Variants in TJP2 observed in about 807,000 individuals in gnomAD.
TJP2 encodes the protein Friedreich ataxia region gene X104 (tight junction protein ZO-2).
A neutral mutation model predicts 133.1 loss-of-function variants in TJP2; 91 were observed. The observed-to-expected ratio is 0.68, with a 90% CI of 0.58 to 0.81. The LOEUF (loss-of-function observed/expected upper bound fraction) is 0.81. Ranked by LOEUF, TJP2 falls within the 40% of genes least tolerant of loss-of-function variation. The pLI is 0.00. For missense variants in TJP2, 1,541 were observed against 1,565.6 expected (o/e 0.98, Z 0.26); for synonymous variants, 592 against 583.4 (o/e 1.01, Z -0.21).
intron 17 of TJP2, among the ~76,000 whole-genome samples, chr9:69,241,458 G>A (rs746827944): frequency 1.3e-5 from 2 of 152,180 alleles, no homozygotes; most frequent in Non-Finnish European, 2.9e-5. Context: ...AGAGGAAGGG[G>A]TGAATGATTG....
Position 69,234,527 on chromosome 9 carries a change from T to A in TJP2, c.1760T>A (p.Leu587Ter). ...CCTAAAGGTGAAATGGTGACCATTTTAGCTCAGAGCCGAGCCGATGGTGAG... is the reference window on the plus strand; with the variant it reads ...CCTAAAGGTGAAATGGTGACCATTTAAGCTCAGAGCCGAGCCGATGGTGAG... ...EIPKGEMVTI[L>*]AQSRADVYRD... The change falls in exon 12 of 23, where the codon TTA becomes TAA. Residue 587 changes from leucine to a stop codon, truncating the protein, a stop_gained. Coordinates refer to ENST00000377245, the MANE Select transcript of TJP2 (RefSeq NM_004817.4). LOFTEE classifies it high-confidence loss of function. 1 of 1,594,522 alleles carries A rather than the reference T, an allele frequency of 6.3e-7. No homozygotes were observed. The highest frequency in any genetic ancestry group is 8.5e-7 in the Non-Finnish European group (1 of 1,174,270).
intron 12 of TJP2, 42 bp from the exon 13 acceptor site, chr9:69,235,986 T>C (rs1588130702): frequency 1.3e-6 from 2 of 1,578,966 alleles, no homozygotes; most frequent in African/African-American, 1.3e-5. Context: ...TACTGTAACT[T>C]GTACTAAGCT....
intron 20 of TJP2, 78 bp from the exon 21 acceptor site, chr9:69,250,957 G>A (rs749222819): frequency 2.8e-5 from 38 of 1,345,484 alleles, no homozygotes; most frequent in Admixed American, 6.7e-5. Flanking sequence ...TCAGGAAATG[G>A]AGTGTATTAA....
At chr9:69,243,597 A>G (rs1830715497) in intron 17 of TJP2, among the ~76,000 whole-genome samples, 1 of 152,222 alleles carries the variant, frequency 6.6e-6, no homozygotes, top group Admixed American at 6.5e-5. Flanking sequence ...TGGAATCTTC[A>G]AAGTACTCAG....
chr9:69,201,748 A>T (rs926705737), intron 1 of TJP2, among the ~76,000 whole-genome samples: 1 of 152,184 alleles, frequency 6.6e-6, no homozygotes, highest in Non-Finnish European at 1.5e-5. Context: ...AATATGTCAT[A>T]TACATACAAT....
At chr9:69,181,518 G>T (rs186609224) in intron 1 of TJP2, among the ~76,000 whole-genome samples, 35 of 152,248 alleles carry the variant, frequency 2.3e-4, no homozygotes, top group African/African-American at 7.2e-4. Flanking sequence ...GAAGTGCTGG[G>T]ATTATAGGCA....
chr9:69,131,045 TAAGA>T (rs1297348693), intron 1 of TJP2, among the ~76,000 whole-genome samples: 1 of 152,168 alleles, frequency 6.6e-6, no homozygotes, highest in Non-Finnish European at 1.5e-5. Context: ...GACTTTCCTG[TAAGA>T]AAGGGAATTC....
intron 1 of TJP2, among the ~76,000 whole-genome samples, chr9:69,200,966 C>T (rs138213127): frequency 8.6e-4 from 131 of 152,264 alleles, no homozygotes; most frequent in African/African-American, 2.9e-3. Flanking sequence ...TGTGAGGAAA[C>T]GAGTTTGGCA....
At chr9:69,175,062 C>T (rs564218430) in intron 1 of TJP2, among the ~76,000 whole-genome samples, 50 of 152,248 alleles carry the variant, frequency 3.3e-4, no homozygotes, top group Non-Finnish European at 5.9e-4. Flanking sequence ...TGCTTTTACA[C>T]GGTAGTTTAA....
chr9:69,214,306 G>A (rs921860662), intron 2 of TJP2, among the ~76,000 whole-genome samples: 7 of 151,956 alleles, frequency 4.6e-5, no homozygotes, highest in African/African-American at 1.7e-4. Context: ...GGCTGATCTC[G>A]AACTCCTGGA....
rs1563968149 is a variant in TJP2, at chr9:69,254,737, T to C, written c.*363T>C. 1 of 536,108 alleles carries C rather than the reference T, an allele frequency of 1.9e-6. No homozygotes were observed. Among genetic ancestry groups the C allele is most frequent in the Non-Finnish European group, 3.3e-6 (1 of 304,632 alleles). 33.2% of individuals were successfully genotyped at this position (536,108 alleles called of 1,614,324 possible). A position where few individuals can be genotyped will look rare whatever the true frequency, so the allele number is the denominator to read the frequency against. On this transcript the variant is annotated 3_prime_UTR_variant, in exon 23 of 23. Transcript: ENST00000377245. ...CATTAATAGCTGCCTTCAAGGACTGTTTCAGTGTGAGTCAGAATGTGAAAA... is the reference window on the plus strand; with the variant it reads ...CATTAATAGCTGCCTTCAAGGACTGCTTCAGTGTGAGTCAGAATGTGAAAA...
In TJP2 at chr9:69,248,043, G is replaced by A. The variant is rs773962012; in HGVS notation, c.2699G>A (p.Arg900His). The change falls in exon 19 of 23, where the codon CGC becomes CAC. Residue 900 changes from arginine to histidine, a missense_variant. Physicochemically the swap from Arg to His is conservative, Grantham distance 29. Transcript: ENST00000377245. The stretch of plus-strand genomic sequence containing the variant: ...GGGATGGATGATGACCCCGAAGACC[G>A]CATGTCCTACTTAACCGCCATGGGC... ...MEGMDDDPED[R>H]MSYLTAMGAD... 1.7e-5 allele frequency: 27 copies of A among 1,613,018 alleles called. No homozygotes were observed. The Admixed American group carries it at 1.8e-4, about 11-fold the overall frequency.
intron 19 of TJP2, chr9:69,249,136 T>C: frequency 7.5e-7 from 1 of 1,327,090 alleles, no homozygotes; most frequent in Non-Finnish European, 9.7e-7. Context: ...TTTTAGACTT[T>C]TGGAGGGTTC....
At chr9:69,143,275 TATC>T (rs1438143474) in intron 1 of TJP2, among the ~76,000 whole-genome samples, 1 of 152,226 alleles carries the variant, frequency 6.6e-6, no homozygotes, top group Non-Finnish European at 1.5e-5. Context: ...ATTTGCAAAA[TATC>T]ATGTCACTTT....
chr9:69,237,082 G>A lies in TJP2; in HGVS notation c.2125G>A (p.Val709Ile), dbSNP rs759205047. The change falls in exon 14 of 23, where the codon GTT becomes ATT. Residue 709 changes from valine to isoleucine, a missense_variant. Physicochemically the swap from Val to Ile is conservative, Grantham distance 29 (BLOSUM62 3). Transcript: ENST00000377245. ...LRKSREDLTA[V>I]VSVSTKFPAY... ...GAAAAGTCGGGAAGACCTCACAGCT[G>A]TTGTGTCTGTCAGCACCAAGTTCCC... 6.2e-7 allele frequency: 1 copy of A among 1,614,204 alleles called. No individual in the cohort carries two copies.
chr9:69,207,548 G>A (rs190570448), intron 1 of TJP2, among the ~76,000 whole-genome samples: 112 of 152,270 alleles, frequency 7.4e-4, no homozygotes, highest in African/African-American at 2.6e-3. Flanking sequence ...TTAGTCACAC[G>A]GTTCTCCCGG....
intron 22 of TJP2, chr9:69,253,319 G>A (rs536883837): frequency 7.0e-5 from 14 of 199,990 alleles, no homozygotes; most frequent in East Asian, 2.5e-4. Context: ...TAAAGGGACC[G>A]TGACAAGCAA....
chr9:69,254,115 G>A, intron 22 of TJP2, 94 bp from the exon 23 acceptor site: 1 of 1,414,630 alleles, frequency 7.1e-7, no homozygotes, highest in Non-Finnish European at 1.0e-6. Context: ...ATCTGCTCGG[G>A]ATACCCAGTC....
intron 17 of TJP2, among the ~76,000 whole-genome samples, chr9:69,242,292 C>T (rs1830629972): frequency 6.6e-6 from 1 of 152,212 alleles, no homozygotes; most frequent in Non-Finnish European, 1.5e-5. Flanking sequence ...CCTCTGTTAG[C>T]TCCATAGATG....
Sources: allele counts gnomAD v4.1 joint callset (sites outside exome capture counted in the v4.1 genomes callset), GRCh38; gene constraint gnomAD v4.1.1; transcripts MANE v1.5; gene names NCBI Gene and HGNC (gene_info 2026-07-23, HGNC 2026-07-21).